The following KIAA1549 variants were observed in gnomAD, a reference collection of about 807,000 sequenced individuals.
KIAA1549 encodes the protein UPF0606 protein KIAA1549.
A neutral mutation model predicts 156.4 loss-of-function variants in KIAA1549; 70 were observed. The observed-to-expected ratio is 0.45, with a 90% confidence interval of 0.37 to 0.55. The LOEUF (loss-of-function observed/expected upper bound fraction) is 0.55. Among genes scored for constraint, KIAA1549 ranks in the 20% least tolerant of loss-of-function variants. The pLI is 0.00. For missense variants in KIAA1549, 2,428 were observed against 2,540.9 expected, an observed-to-expected ratio of 0.96 and a Z score of 0.96; for synonymous variants, 1,103 against 1,066.4, an observed-to-expected ratio of 1.03 and a Z score of -0.67.
chr7:138,929,315 T>A (rs1268072275), intron 1 of KIAA1549, among the ~76,000 whole-genome samples: 2 of 152,256 alleles, frequency 1.3e-5, no homozygotes, highest in African/African-American at 2.4e-5. Context: ...CTAGGTTCCA[T>A]CTCAAGAAAC....
At chr7:138,878,350 A>C (rs1418617832) in intron 12 of KIAA1549, among the ~76,000 whole-genome samples, 1 of 152,250 alleles carries the variant, frequency 6.6e-6, no homozygotes, top group Non-Finnish European at 1.5e-5. Context: ...CAGTGAGAGG[A>C]GAGGCCCCTG....
chr7:138,889,062 T>C (rs1425141790), intron 10 of KIAA1549, among the ~76,000 whole-genome samples: 4 of 152,210 alleles, frequency 2.6e-5, no homozygotes, highest in Non-Finnish European at 4.4e-5. Context: ...ACCTCCATCA[T>C]TTAATAAACC....
intron 19 of KIAA1549, 139 bp downstream of exon 19, chr7:138,839,994 A>G: frequency 1.5e-6 from 1 of 658,604 alleles, no homozygotes; most frequent in Non-Finnish European, 2.4e-6. Context: ...ATTTCACTAC[A>G]TTGGCCAGGC....
rs772801187 is a variant in KIAA1549, at chr7:138,881,381, T to C, written c.4229+7A>G. On this transcript the variant is annotated splice_region_variant and intron_variant, in intron 11 of 19. Transcript: ENST00000422774. ...ACAAAGAATAATACAGAAAGCCCAA[T>C]AATAACCTTCCTCTGTGACGAACAT... is the stretch of plus-strand genomic sequence containing the variant. 1.2e-5 allele frequency: 20 copies of C among 1,611,078 alleles called. No homozygotes were observed. Among genetic ancestry groups the C allele is most frequent in the Non-Finnish European group, 1.6e-5 (19 of 1,178,906 alleles).
intron 18 of KIAA1549, among the ~76,000 whole-genome samples, chr7:138,841,244 AT>A (rs907331003): frequency 6.6e-6 from 1 of 152,022 alleles, no homozygotes; most frequent in Non-Finnish European, 1.5e-5. Flanking sequence ...CAATATGCTT[AT>A]TTTTTTCCCC....
chr7:138,865,524 G>A (rs974145679), intron 15 of KIAA1549, among the ~76,000 whole-genome samples: 2 of 151,864 alleles, frequency 1.3e-5, no homozygotes, highest in African/African-American at 2.4e-5. Context: ...GAAAAGATGA[G>A]TTCTGAGACA....
chr7:138,909,079 T>G lies in KIAA1549; in HGVS notation c.3188A>C (p.Asn1063Thr). ...VPPSVDTGFCNFTQRIEKGLM... is the reference protein window; with the variant it reads ...VPPSVDTGFCTFTQRIEKGLM... ...GCCTTTCTCAATGCGCTGGGTGAAGTTGCAGAAGCCAGTATCCACACTCGG... is the reference window on the plus strand; with the variant it reads ...GCCTTTCTCAATGCGCTGGGTGAAGGTGCAGAAGCCAGTATCCACACTCGG... The change falls in exon 5 of 20, where the codon AAC becomes ACC. Residue 1063 changes from asparagine (N) to threonine (T), a missense_variant. Coordinates refer to ENST00000422774, the MANE Select transcript of KIAA1549 (RefSeq NM_001164665.2). The G allele has an allele frequency of 1.2e-6, 2 of 1,613,704 alleles. No individual in the cohort carries two copies. Among genetic ancestry groups the G allele is most frequent in the East Asian group, 2.2e-5 (1 of 44,882 alleles).
rs774362698 is a variant in KIAA1549 at position 138,844,351 on chromosome 7, C to A, written c.5418G>T (p.Ser1806=). The part of the protein sequence containing the change: ...ARGIYSEEMP[S]VARPRPVGGT... Reference sequence around the variant, plus strand: ...CCCCGACAGGCCGAGGCCGGGCCACCGACGGCATCTCCTCCGAGTAGATCC... The same window carrying A: ...CCCCGACAGGCCGAGGCCGGGCCACAGACGGCATCTCCTCCGAGTAGATCC... The change falls in exon 18 of 20, where the codon TCG becomes TCT. Residue 1806 remains serine (S), a synonymous_variant. Transcript: ENST00000422774. 40 of 1,613,752 alleles carry A rather than the reference C, an allele frequency of 2.5e-5. No individual in the cohort carries two copies. Among genetic ancestry groups the A allele is most frequent in the Non-Finnish European group, 3.2e-5 (38 of 1,179,848 alleles).
rs902592503 is a variant in KIAA1549, at chr7:138,954,025, T to C, written c.187+27058A>G. Among the ~76,000 whole-genome samples, 11 of 150,972 alleles carry C rather than the reference T, an allele frequency of 7.3e-5. No individual in the cohort carries two copies. The South Asian group carries it at 1.0e-3, about 14-fold the overall frequency. The stretch of plus-strand genomic sequence containing the variant: ...AAATATTATGTTTAGTAATCAACAG[T>C]CATATTTCTATGTGCAAAATGCTAG... On this transcript the variant is annotated intron_variant, in intron 1 of 19. Transcript: ENST00000422774.
chr7:138,943,569 G>C (rs1035907993), intron 1 of KIAA1549, among the ~76,000 whole-genome samples: 2 of 152,012 alleles, frequency 1.3e-5, no homozygotes, highest in Admixed American at 1.3e-4. Context: ...GCATTACCTC[G>C]CCAGGCGCAG....
rs1442815371 is a variant in KIAA1549, at chr7:138,836,436, A to G, written c.*1470T>C. 9.3e-6 allele frequency: 2 copies of G among 213,964 alleles called. No individual in the cohort carries two copies. Among genetic ancestry groups the G allele is most frequent in the Non-Finnish European group, 1.9e-5 (2 of 105,892 alleles). 13.3% of individuals were successfully genotyped at this position (213,964 alleles called of 1,614,324 possible). The stretch of plus-strand genomic sequence containing the variant: ...AATCTAGGATGTTGGCACAGCAACA[A>G]AACAGCCTAATGACACATTTCTCAG... On this transcript the variant is annotated 3_prime_UTR_variant, in exon 20 of 20. Coordinates refer to ENST00000422774, the MANE Select transcript of KIAA1549 (RefSeq NM_001164665.2).
Position 138,907,021 on chromosome 7 carries a change from G to C in KIAA1549, c.3358C>G (p.Gln1120Glu). Residue 1120 changes from glutamine to glutamate, a missense_variant, in exon 6 of 20, where the codon CAG becomes GAG. Coordinates refer to ENST00000422774, the MANE Select transcript of KIAA1549 (RefSeq NM_001164665.2). ...ACTTCCGACCCATTCAAAAATCCCT[G>C]TGTGCTTTTAACCGCAAAGATGATA... ...VNIIFAVKST[Q>E]GFLNGSEVSE... 6.2e-7 allele frequency: 1 copy of C among 1,613,650 alleles called. No individual in the cohort carries two copies. Among genetic ancestry groups the C allele is most frequent in the Non-Finnish European group, 8.5e-7 (1 of 1,179,730 alleles).
At position 138,861,470 on chromosome 7, in the gene KIAA1549, T is replaced by G; in HGVS notation, c.4930-14A>C. ...GTCAGGATCCGACTACAATGAGAAATGGCAAAGGAAGAATCACACATGAGT... is the reference window on the plus strand; with the variant it reads ...GTCAGGATCCGACTACAATGAGAAAGGGCAAAGGAAGAATCACACATGAGT... On this transcript the variant is annotated splice_polypyrimidine_tract_variant and intron_variant, in intron 15 of 19. Coordinates refer to ENST00000422774, the MANE Select transcript of KIAA1549 (RefSeq NM_001164665.2). The G allele has an allele frequency of 6.3e-7, 1 of 1,596,460 alleles. No individual in the cohort carries two copies. The highest frequency in any genetic ancestry group is 1.1e-5 in the South Asian group (1 of 88,514).
rs147746236 is a variant in KIAA1549 at position 138,979,315 on chromosome 7, T to C, written c.187+1768A>G. ...GCAGTGCAAACAGCTTCACTATTTA[T>C]TTTAAAGTTACCAGAAGCACTTATA... On this transcript the variant is annotated intron_variant, in intron 1 of 19. Transcript: ENST00000422774. Among the ~76,000 whole-genome samples, 433 of 152,354 alleles carry C rather than the reference T, an allele frequency of 2.8e-3. 4 individuals are homozygous for C. Among genetic ancestry groups the C allele is most frequent in the African/African-American group, 9.8e-3 (406 of 41,578 alleles).
At chr7:138,907,785 G>A (rs1299238494) in intron 5 of KIAA1549, among the ~76,000 whole-genome samples, 1 of 152,180 alleles carries the variant, frequency 6.6e-6, no homozygotes, top group African/African-American at 2.4e-5. Context: ...GAGGACTATG[G>A]TGGGTCTGGG....
At position 138,932,738 on chromosome 7, in the gene KIAA1549, G is replaced by A. The variant is rs191740861; in HGVS notation, c.188-13300C>T. On this transcript the variant is annotated intron_variant, in intron 1 of 19. Coordinates refer to ENST00000422774, the MANE Select transcript of KIAA1549 (RefSeq NM_001164665.2). ...GGTCAGCGGATCTTTAGCATCACCC[G>A]GGAGTGTTTTGGAAATGCAGCATCT... 3.3e-3 allele frequency among the ~76,000 whole-genome samples: 507 copies of A among 152,182 alleles called. 9 individuals are homozygous for A. Among genetic ancestry groups the A allele is most frequent in the Non-Finnish European group, 1.2e-3 (83 of 68,016 alleles).
chr7:138,913,395 T>C (rs890336040), intron 2 of KIAA1549, among the ~76,000 whole-genome samples: 2 of 152,210 alleles, frequency 1.3e-5, no homozygotes, highest in East Asian at 3.9e-4. Context: ...TTGACTGTTT[T>C]CATATTTTAA....
At chr7:138,897,892 CAAAAA>C (rs59242488) in intron 9 of KIAA1549, among the ~76,000 whole-genome samples, 1,147 of 27,308 alleles carry the variant, frequency 0.042, 12 homozygotes, top group African/African-American at 0.12. Flanking sequence ...GACCCTTTCT[CAAAAA>C]AAAAAAAAAA....
intron 17 of KIAA1549, among the ~76,000 whole-genome samples, chr7:138,847,739 T>C (rs764439491): frequency 3.9e-5 from 6 of 152,236 alleles, no homozygotes; most frequent in Non-Finnish European, 7.3e-5. Flanking sequence ...CATTTCCAGA[T>C]AAATTTTAGA....
Sources: allele counts gnomAD v4.1 joint callset (sites outside exome capture counted in the v4.1 genomes callset), GRCh38; gene constraint gnomAD v4.1.1; transcripts MANE v1.5; gene names NCBI Gene and HGNC (gene_info 2026-07-23, HGNC 2026-07-21).